CEP63: variants seen among roughly 807,000 people sequenced by gnomAD.
CEP63 encodes the protein centrosomal protein 63.
In CEP63, 84 loss-of-function variants were observed where a neutral mutation model predicts 89.1. The observed-to-expected ratio is 0.94, with a 90% CI of 0.79 to 1.13. CEP63 has a LOEUF of 1.13. Ranked by LOEUF, CEP63 falls within the 50% of genes most tolerant of loss-of-function variation. The pLI is 0.00. For synonymous variants in CEP63, 267 were observed against 272.5 expected, an observed-to-expected ratio of 0.98 and a Z score of 0.20; for missense variants, 838 against 813.3, an observed-to-expected ratio of 1.03 and a Z score of -0.37.
chr3:134,531,494 A>G (rs557759755), intron 3 of CEP63, among the ~76,000 whole-genome samples: 7 of 152,272 alleles, frequency 4.6e-5, no homozygotes, highest in African/African-American at 1.2e-4. Flanking sequence ...GAGGCAGACA[A>G]TTGTTTAAAC....
intron 2 of CEP63, among the ~76,000 whole-genome samples, chr3:134,501,290 G>C (rs990844034): frequency 6.6e-6 from 1 of 152,094 alleles, no homozygotes. Flanking sequence ...TGTTCTTCTT[G>C]CATAGGGTTG....
the CEP63 span, among the ~76,000 whole-genome samples, chr3:134,685,259 T>C: frequency 6.6e-6 from 1 of 152,114 alleles, no homozygotes; most frequent in African/African-American, 2.4e-5. Context: ...GAAGCAATGA[T>C]GAAAATAATT....
chr3:134,744,477 G>A, the CEP63 span, among the ~76,000 whole-genome samples: 1 of 152,158 alleles, frequency 6.6e-6, no homozygotes. Flanking sequence ...TCCACTGGGG[G>A]CCCAAGCAAC....
chr3:134,737,763 C>G, the CEP63 span, among the ~76,000 whole-genome samples: 1 of 152,180 alleles, frequency 6.6e-6, no homozygotes, highest in African/African-American at 2.4e-5. Context: ...AGGGAGCCAG[C>G]TGGAATGGCT....
chr3:134,625,650 G>T, the CEP63 span, among the ~76,000 whole-genome samples: 2 of 152,242 alleles, frequency 1.3e-5, no homozygotes, highest in Admixed American at 6.5e-5. Flanking sequence ...GCATGGAAAG[G>T]CCGGGCCATC....
chr3:134,595,741 A>ACACTGGATAC, the CEP63 span, among the ~76,000 whole-genome samples: 3 of 152,186 alleles, frequency 2.0e-5, no homozygotes, highest in Non-Finnish European at 4.4e-5. Flanking sequence ...GCCACTGGAT[A>ACACTGGATAC]CACTGGATAC....
the CEP63 span, among the ~76,000 whole-genome samples, chr3:134,633,913 G>A: frequency 2.0e-5 from 3 of 152,146 alleles, no homozygotes; most frequent in African/African-American, 7.2e-5. Context: ...CATGGTCACG[G>A]TATACAAGGT....
the CEP63 span, among the ~76,000 whole-genome samples, chr3:134,715,898 T>C: frequency 6.6e-6 from 1 of 152,228 alleles, no homozygotes; most frequent in Non-Finnish European, 1.5e-5. Flanking sequence ...TGTTGTCTCC[T>C]ATTTAATATT....
intron 3 of CEP63, among the ~76,000 whole-genome samples, chr3:134,519,574 A>T (rs997309465): frequency 6.6e-6 from 1 of 152,228 alleles, no homozygotes; most frequent in Non-Finnish European, 1.5e-5. Context: ...AGAAGAAAAG[A>T]TAAGATTTTC....
At chr3:134,496,431 AGGG>A (rs58740020) in intron 2 of CEP63, among the ~76,000 whole-genome samples, 19 of 145,476 alleles carry the variant, frequency 1.3e-4, no homozygotes, top group East Asian at 1.2e-3. Flanking sequence ...TAGAAAAAAA[AGGG>A]GGGGGGGGCT....
At chr3:134,669,898 A>G in the CEP63 span, among the ~76,000 whole-genome samples, 4 of 152,216 alleles carry the variant, frequency 2.6e-5, no homozygotes, top group Non-Finnish European at 5.9e-5. Flanking sequence ...CTAATCCCCA[A>G]TGTGATGATA....
intron 4 of CEP63, 122 bp from the exon 5 acceptor site, chr3:134,532,656 A>T: frequency 1.5e-6 from 1 of 685,934 alleles, no homozygotes; most frequent in African/African-American, 1.8e-5. Context: ...TTTAGTTTGG[A>T]AATCTAACAT....
At chr3:134,635,379 C>T in the CEP63 span, among the ~76,000 whole-genome samples, 1 of 151,420 alleles carries the variant, frequency 6.6e-6, no homozygotes, top group Non-Finnish European at 1.5e-5. Flanking sequence ...CACCTGTAAC[C>T]CCAGCTACTC....
In CEP63 at chr3:134,558,349, T is replaced by TA. The variant is rs748933808; in HGVS notation, c.1673+6dup. On this transcript the variant is annotated splice_region_variant and intron_variant, in intron 13 of 14. Coordinates refer to ENST00000675561, the MANE Select transcript of CEP63 (RefSeq NM_001353108.3). ...TGAGTTCAAGAATACAGAGTTCAAG[T>TA]AAAATTTTTTAAAAGTTTATTTAAA... The TA allele has an allele frequency of 2.2e-5, 34 of 1,571,378 alleles. No individual in the cohort carries two copies. Among genetic ancestry groups the TA allele is most frequent in the Admixed American group, 8.5e-5 (5 of 58,550 alleles).
chr3:134,558,247 T>C lies in CEP63; in HGVS notation c.1573T>C (p.Ser525Pro). The C allele has an allele frequency of 1.9e-6, 3 of 1,613,750 alleles. No individual in the cohort carries two copies. The highest frequency in any genetic ancestry group is 1.7e-6 in the Non-Finnish European group (2 of 1,179,742). Reference sequence around the variant, plus strand: ...ACAGAAAGATTTGATGAATACCAAATCTCAGCTGGAGATTTCTACTCAGAT... The same window carrying C: ...ACAGAAAGATTTGATGAATACCAAACCTCAGCTGGAGATTTCTACTCAGAT... ...QLQKDLMNTKSQLEISTQMCK... is the reference protein window; with the variant it reads ...QLQKDLMNTKPQLEISTQMCK... The change falls in exon 13 of 15, where the codon TCT becomes CCT. Residue 525 changes from serine (S) to proline (P), a missense_variant. Ser to Pro is a moderately conservative substitution (Grantham distance 74, BLOSUM62 -1). Coordinates refer to ENST00000675561, the MANE Select transcript of CEP63 (RefSeq NM_001353108.3).
At chr3:134,768,913 G>T in the CEP63 span, among the ~76,000 whole-genome samples, 1 of 152,124 alleles carries the variant, frequency 6.6e-6, no homozygotes, top group Admixed American at 6.6e-5. Flanking sequence ...GCATGAGAAG[G>T]CTTTGATATG....
the CEP63 span, among the ~76,000 whole-genome samples, chr3:134,593,351 T>C: frequency 6.6e-6 from 1 of 152,204 alleles, no homozygotes; most frequent in Non-Finnish European, 1.5e-5. Flanking sequence ...TACCATATGT[T>C]AGCTCATTTA....
the CEP63 span, among the ~76,000 whole-genome samples, chr3:134,738,271 CA>C: frequency 1.3e-5 from 2 of 151,678 alleles, no homozygotes; most frequent in Non-Finnish European, 2.9e-5. Flanking sequence ...CACACACACA[CA>C]CACACACACA....
the CEP63 span, among the ~76,000 whole-genome samples, chr3:134,767,643 G>A: frequency 2.6e-5 from 4 of 152,166 alleles, no homozygotes; most frequent in Non-Finnish European, 5.9e-5. Flanking sequence ...CTGCAGATGG[G>A]GTCCTAGTCT....
Sources: allele counts gnomAD v4.1 joint callset (sites outside exome capture counted in the v4.1 genomes callset), GRCh38; gene constraint gnomAD v4.1.1; transcripts MANE v1.5; gene names NCBI Gene and HGNC (gene_info 2026-07-23, HGNC 2026-07-21).